The following FAT4 variants were observed in gnomAD, a reference collection of about 807,000 sequenced individuals.
FAT4 encodes FAT atypical cadherin 4.
Under a neutral mutation model 303.9 loss-of-function variants are expected in FAT4, and 84 were observed. The observed-to-expected ratio is 0.28, with a 90% CI of 0.23 to 0.33. FAT4 has a LOEUF of 0.33. Among genes scored for constraint, FAT4 ranks in the 10% least tolerant of loss-of-function variants. The pLI is 1.00. For synonymous variants in FAT4, 2,307 were observed against 2,298.8 expected, an observed-to-expected ratio of 1.00 and a Z score of -0.10; for missense variants, 6,005 against 6,146.8, an observed-to-expected ratio of 0.98 and a Z score of 0.77.
chr4:125,482,918 C>T (rs1727277488), intron 16 of FAT4, among the ~76,000 whole-genome samples: 3 of 152,104 alleles, frequency 2.0e-5, no homozygotes, highest in Admixed American at 1.3e-4. Context: ...CAGTCATTTC[C>T]AACTAGGATA....
chr4:125,421,902 TA>T (rs1187886638), intron 7 of FAT4, among the ~76,000 whole-genome samples: 1 of 152,180 alleles, frequency 6.6e-6, no homozygotes, highest in Non-Finnish European at 1.5e-5. Flanking sequence ...TCATATTTAT[TA>T]AATTTTTTTA....
At chr4:125,350,203 A>C (rs1732170613) in intron 2 of FAT4, among the ~76,000 whole-genome samples, 1 of 148,782 alleles carries the variant, frequency 6.7e-6, no homozygotes, top group Non-Finnish European at 1.5e-5. Context: ...GTTGGATGCC[A>C]AAGTAACTTG....
chr4:125,344,623 C>T (rs1004007032), intron 2 of FAT4, among the ~76,000 whole-genome samples: 1 of 152,038 alleles, frequency 6.6e-6, no homozygotes, highest in African/African-American at 2.4e-5. Context: ...TGCCAATGGG[C>T]GTTATTCTGC....
At position 125,452,097 on chromosome 4, in the gene FAT4, C is replaced by T. The variant is rs770708836; in HGVS notation, c.11087C>T (p.Thr3696Met). ...LSNDGVHSTV[T>M]SNIRVFFAGF... ...AATGATGGAGTTCACAGCACAGTCACGAGCAACATCCGAGTTTTCTTTGCT... is the reference window on the plus strand; with the variant it reads ...AATGATGGAGTTCACAGCACAGTCATGAGCAACATCCGAGTTTTCTTTGCT... The change falls in exon 10 of 18, where the codon ACG becomes ATG. Residue 3696 changes from threonine (T) to methionine (M), a missense_variant. By Grantham distance (81) the Thr-to-Met change is moderately conservative. Coordinates refer to ENST00000394329, the MANE Select transcript of FAT4 (RefSeq NM_001291303.3). 14 of 1,614,030 alleles carry T rather than the reference C, an allele frequency of 8.7e-6. No homozygotes were observed. The highest frequency in any genetic ancestry group is 4.5e-5 in the East Asian group (2 of 44,878).
intron 5 of FAT4, among the ~76,000 whole-genome samples, chr4:125,412,400 AT>A (rs1319284684): frequency 6.6e-6 from 1 of 151,722 alleles, no homozygotes; most frequent in East Asian, 1.9e-4. Context: ...AAATAGTTAT[AT>A]TTTTTATTTG....
intron 2 of FAT4, among the ~76,000 whole-genome samples, chr4:125,328,383 C>T (rs55658880): frequency 0.51 from 76,875 of 151,998 alleles, 20,249 homozygotes; most frequent in Non-Finnish European, 0.59. Flanking sequence ...GAAGAGGAAA[C>T]AATCTAATTG....
rs927358196 is a variant in FAT4 at position 125,440,747 on chromosome 4, C to T, written c.7200-5546C>T. On this transcript the variant is annotated intron_variant, in intron 8 of 17. Coordinates refer to ENST00000394329, the MANE Select transcript of FAT4 (RefSeq NM_001291303.3). ...AAATTTTGCACCCATATTTATAACTCGCTGATAGACATATTACACTGGAGG... is the reference window on the plus strand; with the variant it reads ...AAATTTTGCACCCATATTTATAACTTGCTGATAGACATATTACACTGGAGG... 2.0e-5 allele frequency among the ~76,000 whole-genome samples: 3 copies of T among 152,188 alleles called. No homozygotes were observed. The East Asian group carries it at 5.8e-4, about 30-fold the overall frequency.
At chr4:125,443,010 A>C (rs993513393) in intron 8 of FAT4, among the ~76,000 whole-genome samples, 2 of 152,128 alleles carry the variant, frequency 1.3e-5, no homozygotes, top group Admixed American at 1.3e-4. Flanking sequence ...AATGTTAAGA[A>C]ATTTTTGTGA....
chr4:125,363,084 T>G (rs977601730), intron 2 of FAT4, among the ~76,000 whole-genome samples: 1 of 152,218 alleles, frequency 6.6e-6, no homozygotes, highest in African/African-American at 2.4e-5. Context: ...GTTAAAAAAT[T>G]TAAAAGACTG....
intron 2 of FAT4, among the ~76,000 whole-genome samples, chr4:125,397,030 A>G (rs1734213296): frequency 6.6e-6 from 1 of 150,840 alleles, no homozygotes; most frequent in Non-Finnish European, 1.5e-5. Context: ...TACATTCAGT[A>G]TGTGCCAGTT....
In FAT4 at chr4:125,318,744, T is replaced by C; in HGVS notation, c.2333T>C (p.Ile778Thr). 1 of 1,614,054 alleles carries C rather than the reference T, an allele frequency of 6.2e-7. No individual in the cohort carries two copies. Among genetic ancestry groups the C allele is most frequent in the Non-Finnish European group, 8.5e-7 (1 of 1,179,940 alleles). Residue 778 changes from isoleucine to threonine, a missense_variant, in exon 2 of 18, where the codon ATA (isoleucine) becomes ACA (threonine). Transcript: ENST00000394329. ...GGNLQSPNQAIVTITVLDTQD... is the reference protein window; with the variant it reads ...GGNLQSPNQATVTITVLDTQD... ...AATTTACAATCTCCCAACCAGGCAA[T>C]AGTAACCATCACTGTATTGGACACT...
chr4:125,479,805 T>C lies in FAT4; in HGVS notation c.12544T>C (p.Tyr4182His). The C allele has an allele frequency of 1.9e-6, 3 of 1,606,388 alleles. No homozygotes were observed. Among genetic ancestry groups the C allele is most frequent in the Non-Finnish European group, 2.6e-6 (3 of 1,174,310 alleles). Reference protein sequence around the residue: ...PCQHGGTCMDYWSWQQCHCKE... With the variant: ...PCQHGGTCMDHWSWQQCHCKE... The stretch of plus-strand genomic sequence containing the variant: ...CCAACATGGTGGCACATGTATGGAT[T>C]ACTGGTCATGGCAGCAGTGTCATTG... The change falls in exon 15 of 18, where the codon TAC becomes CAC. Residue 4182 changes from tyrosine (Y) to histidine (H), a missense_variant. By Grantham distance (83) the Tyr-to-His change is moderately conservative. Coordinates refer to ENST00000394329, the MANE Select transcript of FAT4 (RefSeq NM_001291303.3).
rs78827571 is a variant in FAT4, at chr4:125,457,317, C to T, written c.11800+4507C>T. On this transcript the variant is annotated intron_variant, in intron 10 of 17. Coordinates refer to ENST00000394329, the MANE Select transcript of FAT4 (RefSeq NM_001291303.3). ...TTATGTAGAGAACAACTTATAAGGA[C>T]GCAAGTATGAAAATGATAATCATGG... 7.7e-3 allele frequency among the ~76,000 whole-genome samples: 1,171 copies of T among 151,738 alleles called. 50 individuals carry two copies. In the East Asian group the frequency reaches 0.084, roughly 11 times the overall value.
chr4:125,478,250 T>TA (rs1727102103), intron 14 of FAT4, among the ~76,000 whole-genome samples: 2 of 152,048 alleles, frequency 1.3e-5, no homozygotes. Context: ...TACATGTTGT[T>TA]ACTGTTTTGT....
At chr4:125,440,610 T>TGTGTGTGTGTGTGAGAGAGAGAGAGA (rs372756130) in intron 8 of FAT4, among the ~76,000 whole-genome samples, 4 of 75,728 alleles carry the variant, frequency 5.3e-5, no homozygotes, top group African/African-American at 2.3e-4. Context: ...TGTGTGTGTG[T>TGTGTGTGTGTGTGAGAGAGAGAGAGA]GAGAGAGAGA....
intron 4 of FAT4, 46 bp from the exon 5 acceptor site, chr4:125,408,398 C>A (rs1392191667): frequency 2.3e-6 from 3 of 1,279,304 alleles, no homozygotes; most frequent in Non-Finnish European, 2.2e-6. Context: ...CTTAGTAATA[C>A]TTCTTACTTC....
In FAT4 at chr4:125,316,596, G is replaced by C. The variant is rs201009019; in HGVS notation, c.185G>C (p.Gly62Ala). The change falls in exon 2 of 18, where the codon GGC becomes GCC. Residue 62 changes from glycine (G) to alanine (A), a missense_variant. Coordinates refer to ENST00000394329, the MANE Select transcript of FAT4 (RefSeq NM_001291303.3). The surrounding 1 kb of genome is among the most constrained non-coding windows in gnomAD (Gnocchi z 5.7). ...LEEQPPGTLV[G>A]TIQTRPGFTY... ...GAGCAACCTCCAGGCACTCTGGTAG[G>C]CACCATCCAGACGCGCCCCGGCTTC... 1.2e-3 allele frequency: 1,960 copies of C among 1,613,994 alleles called. 5 individuals carry two copies. The highest frequency in any genetic ancestry group is 3.4e-3 in the South Asian group (313 of 91,084).
Position 125,491,319 on chromosome 4 carries a change from A to G in FAT4, c.14503A>G (p.Ile4835Val). ...LSRTRNPADG[I>V]PAPESSSDSD... is the part of the protein sequence containing the mutation. The stretch of plus-strand genomic sequence containing the variant: ...TAGAACAAGGAATCCAGCGGATGGC[A>G]TTCCAGCTCCAGAATCCTCTTCTGA... Residue 4835 changes from isoleucine (I) to valine (V), a missense_variant, in exon 18 of 18, where the codon ATT becomes GTT. Physicochemically the swap from Ile to Val is conservative, Grantham distance 29. Transcript: ENST00000394329. The G allele has an allele frequency of 6.2e-7, 1 of 1,614,190 alleles. No homozygotes were observed. Among genetic ancestry groups the G allele is most frequent in the Admixed American group, 1.7e-5 (1 of 60,024 alleles).
chr4:125,468,404 A>T (rs941136672), intron 11 of FAT4, 108 bp from the exon 12 acceptor site: 3 of 790,956 alleles, frequency 3.8e-6, no homozygotes, highest in Non-Finnish European at 3.6e-6. Context: ...AAAGTAAAAA[A>T]AGTTGTTAAA....
Sources: allele counts gnomAD v4.1 joint callset (sites outside exome capture counted in the v4.1 genomes callset), GRCh38; gene constraint gnomAD v4.1.1; non-coding constraint Gnocchi (gnomAD v3.1); transcripts MANE v1.5; gene names NCBI Gene and HGNC (gene_info 2026-07-23, HGNC 2026-07-21).